The following LINGO2 variants were observed in gnomAD, a reference collection of about 807,000 sequenced individuals.
LINGO2 encodes the protein leucine-rich repeat and immunoglobulin-like domain-containing nogo receptor-interacting protein 2.
In LINGO2, 14 loss-of-function variants were observed where a neutral mutation model predicts 30.6. That is an observed-to-expected ratio of 0.46 (90% CI 0.30 to 0.72). The LOEUF is 0.72. LINGO2 is among the 30% of genes least tolerant of loss of function. LINGO2 has a pLI of 0.07. For missense variants in LINGO2, 729 were observed against 751.7 expected (o/e 0.97, Z 0.35); for synonymous variants, 317 against 288.5 (o/e 1.10, Z -1.00).
At chr9:28,820,158 T>C in the LINGO2 span, among the ~76,000 whole-genome samples, 1 of 151,042 alleles carries the variant, frequency 6.6e-6, no homozygotes. Flanking sequence ...CAGTAAGTAA[T>C]ATATTACCAA....
intron 3 of LINGO2, among the ~76,000 whole-genome samples, chr9:28,368,599 T>TTTTC (rs1820769044): frequency 2.1e-5 from 2 of 94,346 alleles, no homozygotes; most frequent in African/African-American, 8.5e-5. Flanking sequence ...CTTTTCTTTT[T>TTTTC]TTTTTTTTTC....
chr9:28,654,288 G>A (rs1427479250), intron 1 of LINGO2, among the ~76,000 whole-genome samples: 1 of 152,016 alleles, frequency 6.6e-6, no homozygotes, highest in Non-Finnish European at 1.5e-5. Context: ...GCCCTTTTAT[G>A]TACTAAGAAA....
chr9:28,767,010 C>T, the LINGO2 span, among the ~76,000 whole-genome samples: 1 of 152,052 alleles, frequency 6.6e-6, no homozygotes, highest in Non-Finnish European at 1.5e-5. Flanking sequence ...ACTGCATGAT[C>T]TCACTTTGAT....
intron 2 of LINGO2, among the ~76,000 whole-genome samples, chr9:28,433,080 A>G (rs10121454): frequency 0.13 from 19,355 of 152,116 alleles, 1,428 homozygotes; most frequent in East Asian, 0.23. Flanking sequence ...GTTACTTTTT[A>G]GCATTCAAAA....
At chr9:27,966,669 A>T (rs545160034) in intron 5 of LINGO2, among the ~76,000 whole-genome samples, 68 of 152,238 alleles carry the variant, frequency 4.5e-4, no homozygotes, top group African/African-American at 1.6e-3. Context: ...GCAAACCACC[A>T]TGGCACATAT....
At chr9:29,078,485 T>C in the LINGO2 span, among the ~76,000 whole-genome samples, 1 of 151,958 alleles carries the variant, frequency 6.6e-6, no homozygotes, top group South Asian at 2.1e-4. Context: ...ATTCTTCTAC[T>C]CTTTGACTTG....
intron 3 of LINGO2, among the ~76,000 whole-genome samples, chr9:28,372,110 A>T (rs1820925819): frequency 6.6e-6 from 1 of 152,206 alleles, no homozygotes; most frequent in Non-Finnish European, 1.5e-5. Context: ...GTGAAAAATT[A>T]TTAATATTAA....
the LINGO2 span, among the ~76,000 whole-genome samples, chr9:29,047,439 G>A: frequency 2.6e-5 from 4 of 152,090 alleles, no homozygotes; most frequent in Non-Finnish European, 5.9e-5. Context: ...TTGTTGGTGG[G>A]AGTGTATAAA....
chr9:28,096,582 C>T (rs1008572996), intron 4 of LINGO2, among the ~76,000 whole-genome samples: 3 of 152,068 alleles, frequency 2.0e-5, no homozygotes, highest in Admixed American at 2.0e-4. Context: ...GACAGAGAGA[C>T]AGCACTAATG....
the LINGO2 span, among the ~76,000 whole-genome samples, chr9:28,881,169 C>T: frequency 6.6e-6 from 1 of 152,078 alleles, no homozygotes; most frequent in Non-Finnish European, 1.5e-5. Context: ...CTCATCCCAC[C>T]CGACTAGAAA....
the LINGO2 span, among the ~76,000 whole-genome samples, chr9:28,683,820 G>C: frequency 6.6e-6 from 1 of 152,152 alleles, no homozygotes; most frequent in Non-Finnish European, 1.5e-5. Flanking sequence ...GACAGCATAG[G>C]AGAAACTGTG....
At chr9:28,882,865 T>A in the LINGO2 span, among the ~76,000 whole-genome samples, 1 of 152,210 alleles carries the variant, frequency 6.6e-6, no homozygotes, top group Non-Finnish European at 1.5e-5. Context: ...CTGTAGTTTT[T>A]AAATCTTCAC....
chr9:29,135,422 G>T, the LINGO2 span, among the ~76,000 whole-genome samples: 9 of 151,950 alleles, frequency 5.9e-5, no homozygotes, highest in Non-Finnish European at 1.0e-4. Flanking sequence ...GCCAGGCATG[G>T]TGGCATGCAA....
chr9:28,037,020 T>C (rs904761860), intron 4 of LINGO2, among the ~76,000 whole-genome samples: 7 of 152,256 alleles, frequency 4.6e-5, no homozygotes, highest in Non-Finnish European at 7.3e-5. Context: ...TGCACACATC[T>C]TGATGTATCT....
At chr9:28,557,387 C>G (rs1360803243) in intron 1 of LINGO2, among the ~76,000 whole-genome samples, 3 of 152,020 alleles carry the variant, frequency 2.0e-5, no homozygotes, top group Non-Finnish European at 4.4e-5. Context: ...CCAACAGACA[C>G]ATGAAAAAAT....
intron 4 of LINGO2, among the ~76,000 whole-genome samples, chr9:28,218,779 G>T (rs927835648): frequency 1.8e-4 from 28 of 152,126 alleles, no homozygotes; most frequent in African/African-American, 6.5e-4. Context: ...CTGGGCATTG[G>T]GTGAAGGCCA....
At chr9:28,511,374 C>T (rs866151850) in intron 1 of LINGO2, among the ~76,000 whole-genome samples, 3 of 152,140 alleles carry the variant, frequency 2.0e-5, no homozygotes, top group Non-Finnish European at 2.9e-5. Context: ...GTGTTGGTCT[C>T]TGCTGCTGGA....
At chr9:27,993,599 G>A (rs748371631) in intron 5 of LINGO2, among the ~76,000 whole-genome samples, 34 of 152,022 alleles carry the variant, frequency 2.2e-4, no homozygotes, top group African/African-American at 5.8e-4. Context: ...CTTTCCTGTC[G>A]AAAACAAATC....
At chr9:28,684,180 T>TC in the LINGO2 span, among the ~76,000 whole-genome samples, 3 of 106,326 alleles carry the variant, frequency 2.8e-5, no homozygotes, top group Non-Finnish European at 5.7e-5. Flanking sequence ...TTTATCTTTT[T>TC]TTTTTTTTTT....
Sources: allele counts gnomAD v4.1 joint callset (sites outside exome capture counted in the v4.1 genomes callset), GRCh38; gene constraint gnomAD v4.1.1; transcripts MANE v1.5; gene names NCBI Gene and HGNC (gene_info 2026-07-23, HGNC 2026-07-21).